Variants in INSIG2 observed in about 807,000 individuals in gnomAD.
INSIG2 encodes insulin-induced gene 2 protein.
Under a neutral mutation model 27.2 loss-of-function variants are expected in INSIG2, and 10 were observed. That is an observed-to-expected ratio of 0.37 (90% CI 0.23 to 0.62). INSIG2 has a LOEUF of 0.62. INSIG2 is among the 20% of genes least tolerant of loss of function. The pLI is 0.65. For synonymous variants in INSIG2, 97 were observed against 95.8 expected (o/e 1.01, Z -0.07); for missense variants, 178 against 270.2 (o/e 0.66, Z 2.39).
At chr2:118,096,856 G>T in intron 2 of INSIG2, 56 bp downstream of exon 2, 1 of 1,545,366 alleles carries the variant, frequency 6.5e-7, no homozygotes, top group Non-Finnish European at 8.7e-7. Flanking sequence ...AATGAGTATG[G>T]ACGTTGTCTG....
chr2:118,097,166 T>C (rs1033688653), intron 2 of INSIG2, among the ~76,000 whole-genome samples: 5 of 1,666 alleles, frequency 3.0e-3, no homozygotes, highest in African/African-American at 3.3e-3. Context: ...TACTCCCTTC[T>C]GTCTCATTCT....
intron 1 of INSIG2, among the ~76,000 whole-genome samples, chr2:118,092,237 A>AGG: frequency 6.6e-6 from 1 of 152,326 alleles, no homozygotes; most frequent in Admixed American, 6.5e-5. Flanking sequence ...GCAGCACGTG[A>AGG]GGGCAACGTG....
rs553781951 is a variant in INSIG2, at chr2:118,110,950, G to T, written c.*2628G>T. 1 of 152,280 alleles carries T rather than the reference G, an allele frequency of 6.6e-6. No individual in the cohort carries two copies. The highest frequency in any genetic ancestry group is 2.1e-4 in the South Asian group (1 of 4,828). 9.4% of individuals were successfully genotyped at this position (152,280 alleles called of 1,614,324 possible). A position where few individuals can be genotyped will look rare whatever the true frequency, so the allele number is the denominator to read the frequency against. On this transcript the variant is annotated 3_prime_UTR_variant, in exon 6 of 6. Transcript: ENST00000245787. ...TGTTTCATACATCTTGTATTTTCCA[G>T]GTAGAAGTCAGACTTGGTTAATACC...
intron 1 of INSIG2, among the ~76,000 whole-genome samples, chr2:118,089,470 C>T (rs58932347): frequency 6.6e-6 from 1 of 152,056 alleles, no homozygotes; most frequent in Admixed American, 6.5e-5. Flanking sequence ...AAAATAAAAG[C>T]AGCCAGACAG....
intron 3 of INSIG2, among the ~76,000 whole-genome samples, chr2:118,104,721 T>C (rs1678631439): frequency 6.6e-6 from 1 of 152,188 alleles, no homozygotes; most frequent in South Asian, 2.1e-4. Context: ...GACTAAAGTC[T>C]AGAAACATCT....
chr2:118,094,894 A>G (rs1321625794), intron 1 of INSIG2, among the ~76,000 whole-genome samples: 1 of 152,210 alleles, frequency 6.6e-6, no homozygotes, highest in Non-Finnish European at 1.5e-5. Context: ...TATAAATTTT[A>G]TGTGATGATT....
At position 118,109,102 on chromosome 2, in the gene INSIG2, A is replaced by C. The variant is rs1280303427; in HGVS notation, c.*780A>C. On this transcript the variant is annotated 3_prime_UTR_variant, in exon 6 of 6. Transcript: ENST00000245787. Reference sequence around the variant, plus strand: ...ATTAGAGGATTTAATTAGAATAAATACATGTTTTGGAAATACAGTGACCTC... The same window carrying C: ...ATTAGAGGATTTAATTAGAATAAATCCATGTTTTGGAAATACAGTGACCTC... 1 of 152,270 alleles carries C rather than the reference A, an allele frequency of 6.6e-6. No homozygotes were observed. The highest frequency in any genetic ancestry group is 2.4e-5 in the African/African-American group (1 of 41,480). 9.4% of individuals were successfully genotyped at this position (152,270 alleles called of 1,614,324 possible).
At chr2:118,099,162 T>C (rs1678482796) in intron 2 of INSIG2, among the ~76,000 whole-genome samples, 1 of 152,258 alleles carries the variant, frequency 6.6e-6, no homozygotes, top group African/African-American at 2.4e-5. Flanking sequence ...GTATGTAATA[T>C]GCATATGTTT....
rs1410116887 is a variant in INSIG2 at position 118,106,750 on chromosome 2, A to G, written c.383A>G (p.Asp128Gly). 1 of 1,613,242 alleles carries G rather than the reference A, an allele frequency of 6.2e-7. No homozygotes were observed. The highest frequency in any genetic ancestry group is 8.5e-7 in the Non-Finnish European group (1 of 1,179,604). Residue 128 changes from aspartate (D) to glycine (G), a missense_variant, in exon 4 of 6, where the codon GAT becomes GGT. Coordinates refer to ENST00000245787, the MANE Select transcript of INSIG2 (RefSeq NM_016133.4). ...CACTGATCTCAGAAAGTGGATTTCG[A>G]TAACAACATACAGTTGTCTCTCACA... Reference protein sequence around the residue: ...INHASAKVDFDNNIQLSLTLA... With the variant: ...INHASAKVDFGNNIQLSLTLA...
chr2:118,091,567 C>T (rs1173996268), intron 1 of INSIG2, among the ~76,000 whole-genome samples: 3 of 151,992 alleles, frequency 2.0e-5, no homozygotes, highest in African/African-American at 4.8e-5. Context: ...TGTTTTGTTT[C>T]GCATGGGGGT....
chr2:118,107,053 T>C, intron 4 of INSIG2, 37 bp from the exon 5 acceptor site: 6 of 1,488,882 alleles, frequency 4.0e-6, no homozygotes, highest in Non-Finnish European at 5.6e-6. Flanking sequence ...TCATTGCAGT[T>C]CCTCTGTGGG....
At position 118,108,412 on chromosome 2, in the gene INSIG2, T is replaced by C. The variant is rs756891234; in HGVS notation, c.*90T>C. 9.4e-6 allele frequency: 9 copies of C among 956,828 alleles called. No individual in the cohort carries two copies. The Admixed American group carries it at 2.0e-4, about 21-fold the overall frequency. The allele number at this position is 956,828 out of a possible 1,614,324, so 59.3% of individuals were successfully genotyped here. A position where few individuals can be genotyped will look rare whatever the true frequency, so the allele number is the denominator to read the frequency against. On this transcript the variant is annotated 3_prime_UTR_variant, in exon 6 of 6. Coordinates refer to ENST00000245787, the MANE Select transcript of INSIG2 (RefSeq NM_016133.4). ...CCAACAAAACTTCAGACTGTAAAAT[T>C]GCCAGGATGCAGTTTTCCCCTTGAT...
At position 118,097,365 on chromosome 2, in the gene INSIG2, C is replaced by T. The variant is rs189216721; in HGVS notation, c.244+565C>T. ...TGATGCATGTGCTGTAGTCTTGTTT[C>T]TGAAGTAATAAAAACTTGAATAATT... On this transcript the variant is annotated intron_variant, in intron 2 of 5. Transcript: ENST00000245787. Among the ~76,000 whole-genome samples, 53 of 152,224 alleles carry T rather than the reference C, an allele frequency of 3.5e-4. No homozygotes were observed. In the East Asian group the frequency reaches 0.01, roughly 29 times the overall value.
At chr2:118,096,833 A>G in intron 2 of INSIG2, 33 bp downstream of exon 2, 1 of 1,603,522 alleles carries the variant, frequency 6.2e-7, no homozygotes, top group Non-Finnish European at 8.5e-7. Context: ...ATGCTTAGAA[A>G]GGAAATAGGG....
Position 118,109,352 on chromosome 2 carries a change from A to G in INSIG2, c.*1030A>G, listed in dbSNP as rs1309588927. 1 of 152,048 alleles carries G rather than the reference A, an allele frequency of 6.6e-6. No homozygotes were observed. Among genetic ancestry groups the G allele is most frequent in the African/African-American group, 2.4e-5 (1 of 41,398 alleles). The allele number at this position is 152,048 out of a possible 1,614,324, so 9.4% of individuals were successfully genotyped here. On this transcript the variant is annotated 3_prime_UTR_variant, in exon 6 of 6. Transcript: ENST00000245787. Reference sequence around the variant, plus strand: ...GGAATGCCTAGGTTTTTCATCTTACATGCAGTCTTGGGGGTGGATGAATAC... The same window carrying G: ...GGAATGCCTAGGTTTTTCATCTTACGTGCAGTCTTGGGGGTGGATGAATAC...
chr2:118,104,728 A>G (rs913779794), intron 3 of INSIG2, among the ~76,000 whole-genome samples: 3 of 152,156 alleles, frequency 2.0e-5, no homozygotes, highest in African/African-American at 7.2e-5. Flanking sequence ...GTCTAGAAAC[A>G]TCTCATTTTC....
rs886582844 is a variant in INSIG2 at position 118,109,116 on chromosome 2, T to C, written c.*794T>C. 1.3e-5 allele frequency: 2 copies of C among 152,238 alleles called. No individual in the cohort carries two copies. Among genetic ancestry groups the C allele is most frequent in the Non-Finnish European group, 2.9e-5 (2 of 68,042 alleles). The allele number at this position is 152,238 out of a possible 1,614,324, so 9.4% of individuals were successfully genotyped here. A position where few individuals can be genotyped will look rare whatever the true frequency, so the allele number is the denominator to read the frequency against. Reference sequence around the variant, plus strand: ...TTAGAATAAATACATGTTTTGGAAATACAGTGACCTCTTGCAGTGTCACAA... The same window carrying C: ...TTAGAATAAATACATGTTTTGGAAACACAGTGACCTCTTGCAGTGTCACAA... On this transcript the variant is annotated 3_prime_UTR_variant, in exon 6 of 6. Coordinates refer to ENST00000245787, the MANE Select transcript of INSIG2 (RefSeq NM_016133.4).
rs1481089768 is a variant in INSIG2, at chr2:118,093,036, G to C, written c.-138-3383G>C. ...ATGATGAGGAGGAGGAGGAGGAGGA[G>C]GAGGAGAGTTCTGTAGCTACTGAAC... On this transcript the variant is annotated intron_variant, in intron 1 of 5. Transcript: ENST00000245787. Among the ~76,000 whole-genome samples the C allele has an allele frequency of 4.2e-5, 6 of 142,124 alleles. No homozygotes were observed. In the East Asian group the frequency reaches 1.1e-3, roughly 25 times the overall value. The allele number at this position is 142,124 out of a possible 152,430, so 93.2% of individuals were successfully genotyped here. A position where few individuals can be genotyped will look rare whatever the true frequency, so the allele number is the denominator to read the frequency against.
At chr2:118,106,614 T>C in intron 3 of INSIG2, 123 bp from the exon 4 acceptor site, 4 of 700,196 alleles carry the variant, frequency 5.7e-6, no homozygotes, top group Non-Finnish European at 9.6e-6. Flanking sequence ...ACTAAGAGAC[T>C]GAATGTACTT....
Sources: gnomAD v4.1 joint callset for allele counts (sites outside exome capture counted in the v4.1 genomes callset) on GRCh38, gnomAD v4.1.1 for gene constraint, MANE v1.5 for transcripts, NCBI Gene and HGNC (gene_info 2026-07-23, HGNC 2026-07-21) for gene names.